The following METTL21C variants were observed in gnomAD, a reference collection of about 807,000 sequenced individuals.
The protein encoded by METTL21C is protein-lysine methyltransferase METTL21C.
In METTL21C, 21 loss-of-function variants were observed where a neutral mutation model predicts 25.9. The observed-to-expected ratio is 0.81, with a 90% confidence interval of 0.58 to 1.17. The LOEUF (loss-of-function observed/expected upper bound fraction) is 1.17. Among genes scored for constraint, METTL21C ranks in the 50% most tolerant of loss-of-function variants. The probability of loss-of-function intolerance (pLI) is 0.00; values close to 1 mark genes in which losing one functional copy is unlikely to be tolerated. For missense variants in METTL21C, 312 were observed against 315.1 expected (o/e 0.99, Z 0.07); for synonymous variants, 125 against 124.7 (o/e 1.00, Z -0.01).
At chr13:102,689,084 CT>C (rs202150901) in intron 2 of METTL21C, among the ~76,000 whole-genome samples, 3 of 151,718 alleles carry the variant, frequency 2.0e-5, no homozygotes, top group Admixed American at 6.6e-5. Flanking sequence ...AATTTCTGAT[CT>C]TTTTTTTAAA....
upstream of METTL21C, among the ~76,000 whole-genome samples, chr13:102,700,018 CT>C (rs1886007979): frequency 6.6e-6 from 1 of 152,204 alleles, no homozygotes; most frequent in Non-Finnish European, 1.5e-5. Context: ...AAATCTCCAC[CT>C]GCAGAGAAAG....
chr13:102,696,337 G>A (rs1408236389), upstream of METTL21C, among the ~76,000 whole-genome samples: 1 of 151,886 alleles, frequency 6.6e-6, no homozygotes, highest in East Asian at 1.9e-4. Flanking sequence ...ACACAGGGAG[G>A]GGAACATCAC....
intron 1 of METTL21C, among the ~76,000 whole-genome samples, chr13:102,692,923 G>A (rs960065083): frequency 2.0e-5 from 3 of 152,132 alleles, no homozygotes; most frequent in South Asian, 2.1e-4. Context: ...CCCAACACAG[G>A]GCTGAGAGGC....
the METTL21C span, among the ~76,000 whole-genome samples, chr13:102,702,040 T>C: frequency 6.6e-6 from 1 of 152,034 alleles, no homozygotes; most frequent in Non-Finnish European, 1.5e-5. Flanking sequence ...GGCGGGTGCC[T>C]GTAGTCCCAG....
At chr13:102,694,319 C>T (rs1279211073) in intron 1 of METTL21C, 50 bp downstream of exon 1, 2 of 1,568,188 alleles carry the variant, frequency 1.3e-6, no homozygotes, top group East Asian at 2.4e-5. Context: ...GATGTCATCG[C>T]CAGGAAAACA....
In METTL21C at chr13:102,690,815, C is replaced by T. The variant is rs1032544034; in HGVS notation, c.280G>A (p.Gly94Arg). Residue 94 changes from glycine (G) to arginine (R), a missense_variant and splice_region_variant, in exon 2 of 4, where the codon GGG becomes AGG. Coordinates refer to ENST00000267273, the MANE Select transcript of METTL21C (RefSeq NM_001010977.3). ...IESYGAVVWP[G>R]AMALCQYLEE... ...CACAAATATGACAGTTCTCTCACCCCTGGCCACACCACCGCTCCGTAACTC... is the reference window on the plus strand; with the variant it reads ...CACAAATATGACAGTTCTCTCACCCTTGGCCACACCACCGCTCCGTAACTC... The T allele has an allele frequency of 6.2e-7, 1 of 1,613,994 alleles. No individual in the cohort carries two copies. Among genetic ancestry groups the T allele is most frequent in the Non-Finnish European group, 8.5e-7 (1 of 1,179,984 alleles).
chr13:102,690,302 T>G (rs751234784), intron 2 of METTL21C, among the ~76,000 whole-genome samples: 5 of 151,826 alleles, frequency 3.3e-5, no homozygotes, highest in Non-Finnish European at 7.4e-5. Context: ...GCACCTGTAG[T>G]CCCAGCTACT....
chr13:102,697,689 A>G (rs9585964), upstream of METTL21C, among the ~76,000 whole-genome samples: 3,546 of 152,142 alleles, frequency 0.023, 102 homozygotes, highest in African/African-American at 0.073. Context: ...AGAAGCCCCC[A>G]TCTTACTTAG....
At chr13:102,700,243 G>A in the METTL21C span, among the ~76,000 whole-genome samples, 1 of 152,208 alleles carries the variant, frequency 6.6e-6, no homozygotes, top group African/African-American at 2.4e-5. Flanking sequence ...CTTCACTGCA[G>A]GGGATGGCCT....
the METTL21C span, among the ~76,000 whole-genome samples, chr13:102,701,717 G>A: frequency 6.6e-6 from 1 of 152,156 alleles, no homozygotes; most frequent in African/African-American, 2.4e-5. Context: ...GGCACATGCT[G>A]CAATATTAGT....
At chr13:102,698,836 T>C (rs541252339), upstream of METTL21C, among the ~76,000 whole-genome samples, 317 of 152,322 alleles carry the variant, frequency 2.1e-3, no homozygotes, top group South Asian at 0.012. Flanking sequence ...ATGAACCTGT[T>C]GGTCCTATAA....
At chr13:102,689,719 T>G (rs1885778378) in intron 2 of METTL21C, among the ~76,000 whole-genome samples, 1 of 152,214 alleles carries the variant, frequency 6.6e-6, no homozygotes, top group African/African-American at 2.4e-5. Flanking sequence ...GGCTCTGCCC[T>G]GCACCCCAGT....
At chr13:102,690,434 A>C (rs1336861674) in intron 2 of METTL21C, among the ~76,000 whole-genome samples, 2 of 149,674 alleles carry the variant, frequency 1.3e-5, no homozygotes, top group Non-Finnish European at 1.5e-5. Context: ...AGAAAAAAAA[A>C]AAAAAGAGAG....
rs560536379 is a variant in METTL21C at position 102,688,989 on chromosome 13, G to A, written c.282+1824C>T. 2.0e-5 allele frequency among the ~76,000 whole-genome samples: 3 copies of A among 152,340 alleles called. No individual in the cohort carries two copies. In the East Asian group the frequency reaches 5.8e-4, roughly 29 times the overall value. ...GATGCCCTTCTTGTGCAGCTTTCAGGAAGCAGGTTTCATGAGAGGCTAGTG... is the reference window on the plus strand; with the variant it reads ...GATGCCCTTCTTGTGCAGCTTTCAGAAAGCAGGTTTCATGAGAGGCTAGTG... On this transcript the variant is annotated intron_variant, in intron 2 of 3. Transcript: ENST00000267273.
chr13:102,689,020 T>A (rs747183208), intron 2 of METTL21C, among the ~76,000 whole-genome samples: 3 of 152,176 alleles, frequency 2.0e-5, no homozygotes, highest in Non-Finnish European at 4.4e-5. Flanking sequence ...TAGTGTTTGG[T>A]GCATGAGTGA....
intron 1 of METTL21C, among the ~76,000 whole-genome samples, chr13:102,693,944 A>T (rs1243895962): frequency 6.6e-6 from 1 of 152,206 alleles, no homozygotes; most frequent in Non-Finnish European, 1.5e-5. Flanking sequence ...CCATGCCCAG[A>T]AATGTAACCC....
intron 1 of METTL21C, among the ~76,000 whole-genome samples, chr13:102,691,643 C>T (rs1885833850): frequency 6.6e-6 from 1 of 152,234 alleles, no homozygotes; most frequent in Admixed American, 6.5e-5. Context: ...CCACCACGCC[C>T]CGCCAGACCT....
rs746094750 is a variant in METTL21C at position 102,686,139 on chromosome 13, G to A, written c.687C>T (p.Thr229=). The A allele has an allele frequency of 4.3e-6, 7 of 1,613,916 alleles. No homozygotes were observed. The highest frequency in any genetic ancestry group is 4.5e-5 in the East Asian group (2 of 44,890). ...LLWANKFRFS[T]DYEFLDKFKQ... is the part of the protein sequence containing the mutation. ...TGAATTTATCTAAAAATTCATAGTCGGTGCTGAACCTGAATTTGTTTGCCC... is the reference window on the plus strand; with the variant it reads ...TGAATTTATCTAAAAATTCATAGTCAGTGCTGAACCTGAATTTGTTTGCCC... The change falls in exon 4 of 4, where the codon ACC becomes ACT. Residue 229 remains threonine (T), a synonymous_variant. Transcript: ENST00000267273.
Position 102,690,798 on chromosome 13 carries a change from T to C in METTL21C, c.282+15A>G, listed in dbSNP as rs779701229. ...TCCAGAAATCCTGACATCACAAATA[T>C]GACAGTTCTCTCACCCCTGGCCACA... On this transcript the variant is annotated intron_variant, in intron 2 of 3. Transcript: ENST00000267273. 12 of 1,611,760 alleles carry C rather than the reference T, an allele frequency of 7.4e-6. No homozygotes were observed. Among genetic ancestry groups the C allele is most frequent in the Non-Finnish European group, 1.0e-5 (12 of 1,179,300 alleles).
Sources: allele counts gnomAD v4.1 joint callset (sites outside exome capture counted in the v4.1 genomes callset), GRCh38; gene constraint gnomAD v4.1.1; transcripts MANE v1.5; gene names NCBI Gene and HGNC (gene_info 2026-07-23, HGNC 2026-07-21).